The following SENP7 variants were observed in gnomAD, a reference collection of about 807,000 sequenced individuals.
SENP7 encodes sentrin-specific protease 7.
Under a neutral mutation model 141.2 loss-of-function variants are expected in SENP7, and 64 were observed. The ratio of observed to expected loss-of-function variants is 0.45; its 90% CI spans 0.37 to 0.56. The LOEUF (loss-of-function observed/expected upper bound fraction) is 0.56. SENP7 is among the 20% of genes least tolerant of loss of function. SENP7 has a pLI of 0.00. For synonymous variants in SENP7, 382 were observed against 426.4 expected, an observed-to-expected ratio of 0.90 and a Z score of 1.28; for missense variants, 1,025 against 1,212.2, an observed-to-expected ratio of 0.85 and a Z score of 2.29.
intron 4 of SENP7, among the ~76,000 whole-genome samples, chr3:101,441,115 T>C (rs2062653270): frequency 6.6e-6 from 1 of 152,096 alleles, no homozygotes; most frequent in African/African-American, 2.4e-5. Flanking sequence ...AAGCATGTCA[T>C]CCCAGAACCA....
At chr3:101,368,494 C>T (rs1467387717) in intron 7 of SENP7, among the ~76,000 whole-genome samples, 1 of 146,984 alleles carries the variant, frequency 6.8e-6, no homozygotes, top group Admixed American at 7.1e-5. Flanking sequence ...CTAAACACCA[C>T]ATGTTCTCAC....
At chr3:101,467,398 C>T (rs1320747108) in intron 3 of SENP7, among the ~76,000 whole-genome samples, 1 of 152,240 alleles carries the variant, frequency 6.6e-6, no homozygotes, top group Non-Finnish European at 1.5e-5. Flanking sequence ...TCAATGACCC[C>T]AGTGTAGCCT....
chr3:101,457,877 C>T (rs767401509), intron 4 of SENP7: 6 of 467,270 alleles, frequency 1.3e-5, no homozygotes, highest in Non-Finnish European at 2.3e-5. Context: ...CATGCAAAGT[C>T]TTCAGGATAT....
At chr3:101,372,523 G>A (rs184529712) in intron 6 of SENP7, among the ~76,000 whole-genome samples, 185 of 152,160 alleles carry the variant, frequency 1.2e-3, no homozygotes, top group Non-Finnish European at 2.0e-3. Flanking sequence ...TATTTCAAGC[G>A]TGGTTCATAT....
intron 3 of SENP7, among the ~76,000 whole-genome samples, chr3:101,475,741 A>T (rs1341204080): frequency 1.3e-5 from 2 of 152,182 alleles, no homozygotes; most frequent in Non-Finnish European, 2.9e-5. Flanking sequence ...AACTTGAAAT[A>T]AAAATAAAAA....
At chr3:101,374,769 C>T (rs2060273356) in intron 6 of SENP7, among the ~76,000 whole-genome samples, 1 of 108,872 alleles carries the variant, frequency 9.2e-6, no homozygotes, top group East Asian at 2.9e-4. Flanking sequence ...GAGGCTCTGT[C>T]TCAAAAAAAA....
chr3:101,390,476 T>C (rs1232130606), intron 6 of SENP7, among the ~76,000 whole-genome samples: 1 of 152,174 alleles, frequency 6.6e-6, no homozygotes, highest in Non-Finnish European at 1.5e-5. Flanking sequence ...TTTCCTTTTG[T>C]AGACTTTAAG....
chr3:101,415,964 A>G (rs1164881698), intron 5 of SENP7, among the ~76,000 whole-genome samples: 2 of 151,102 alleles, frequency 1.3e-5, no homozygotes, highest in Non-Finnish European at 3.0e-5. Context: ...ATATATGTAT[A>G]TATGTTAAAT....
intron 6 of SENP7, among the ~76,000 whole-genome samples, chr3:101,373,797 T>A (rs2060244320): frequency 6.6e-6 from 1 of 152,170 alleles, no homozygotes; most frequent in African/African-American, 2.4e-5. Flanking sequence ...TTGCAGAATA[T>A]GACAATCTGG....
chr3:101,419,896 CT>C (rs2061736845), intron 4 of SENP7, among the ~76,000 whole-genome samples: 2 of 152,304 alleles, frequency 1.3e-5, no homozygotes, highest in South Asian at 4.1e-4. Context: ...ACAAATTATT[CT>C]TCTCATGCAG....
At chr3:101,438,831 C>G (rs1002434987) in intron 4 of SENP7, among the ~76,000 whole-genome samples, 2 of 152,034 alleles carry the variant, frequency 1.3e-5, no homozygotes, top group Non-Finnish European at 2.9e-5. Flanking sequence ...GCCGCGCCGG[C>G]GAGCGCCGCC....
intron 4 of SENP7, among the ~76,000 whole-genome samples, chr3:101,420,347 G>A (rs532530592): frequency 6.7e-5 from 10 of 149,698 alleles, no homozygotes; most frequent in Admixed American, 4.7e-4. Flanking sequence ...CAGCCTGGGC[G>A]ACAGAGCGAG....
intron 12 of SENP7, among the ~76,000 whole-genome samples, chr3:101,348,886 T>A (rs2059541518): frequency 6.6e-6 from 1 of 152,094 alleles, no homozygotes; most frequent in South Asian, 2.1e-4. Context: ...AATACAAATA[T>A]CAGTCAAGCG....
At chr3:101,393,605 A>C (rs2060879409) in intron 6 of SENP7, among the ~76,000 whole-genome samples, 2 of 152,210 alleles carry the variant, frequency 1.3e-5, no homozygotes, top group Non-Finnish European at 2.9e-5. Context: ...CAACTTCACT[A>C]ATTAGGGAAA....
rs147078554 is a variant in SENP7, at chr3:101,407,306, G to A, written c.483-8251C>T. On this transcript the variant is annotated intron_variant, in intron 5 of 23. Coordinates refer to ENST00000394095, the MANE Select transcript of SENP7 (RefSeq NM_020654.5). Reference sequence around the variant, plus strand: ...ATAAAACAACTACTAATAGACCTACGAAATGAGATAGACAGCAACACAGTA... The same window carrying A: ...ATAAAACAACTACTAATAGACCTACAAAATGAGATAGACAGCAACACAGTA... Among the ~76,000 whole-genome samples, 275 of 152,152 alleles carry A rather than the reference G, an allele frequency of 1.8e-3. 1 individual carries two copies. The highest frequency in any genetic ancestry group is 5.8e-3 in the African/African-American group (239 of 41,520).
intron 1 of SENP7, among the ~76,000 whole-genome samples, chr3:101,502,780 GTA>G (rs1260050127): frequency 6.6e-6 from 1 of 152,052 alleles, no homozygotes; most frequent in Non-Finnish European, 1.5e-5. Flanking sequence ...GCTGGACACG[GTA>G]GCACATGCCT....
chr3:101,420,383 T>C (rs1286715707), intron 4 of SENP7, among the ~76,000 whole-genome samples: 1 of 150,174 alleles, frequency 6.7e-6, no homozygotes, highest in African/African-American at 2.4e-5. Context: ...AAAAAAGTGA[T>C]AGGAAAGATA....
chr3:101,496,406 C>G (rs1284557339), intron 2 of SENP7, among the ~76,000 whole-genome samples: 1 of 152,076 alleles, frequency 6.6e-6, no homozygotes, highest in Non-Finnish European at 1.5e-5. Flanking sequence ...CAGGCATGCA[C>G]CATCATATCT....
intron 20 of SENP7, 47 bp from the exon 21 acceptor site, chr3:101,328,736 T>TAGTA: frequency 7.1e-7 from 1 of 1,409,046 alleles, no homozygotes; most frequent in Non-Finnish European, 1.0e-6. Flanking sequence ...CTATTTTGAA[T>TAGTA]AATTTACTAT....
Sources: allele counts gnomAD v4.1 joint callset (sites outside exome capture counted in the v4.1 genomes callset), GRCh38; gene constraint gnomAD v4.1.1; transcripts MANE v1.5; gene names NCBI Gene and HGNC (gene_info 2026-07-23, HGNC 2026-07-21).